The following PTPRZ1 variants were observed in gnomAD, a reference collection of about 807,000 sequenced individuals.
PTPRZ1 encodes the protein protein tyrosine phosphatase receptor type Z1, also known as receptor-type tyrosine-protein phosphatase zeta.
Under a neutral mutation model 214.1 loss-of-function variants are expected in PTPRZ1, and 82 were observed. The observed-to-expected ratio is 0.38, with a 90% CI of 0.32 to 0.46. PTPRZ1 has a LOEUF of 0.46. PTPRZ1 is among the 20% of genes least tolerant of loss of function. The pLI is 1.00. For missense variants in PTPRZ1, 2,603 were observed against 2,748.7 expected (o/e 0.95, Z 1.19); for synonymous variants, 945 against 987.9 (o/e 0.96, Z 0.81).
intron 2 of PTPRZ1, among the ~76,000 whole-genome samples, chr7:121,949,764 C>T (rs1371849880): frequency 6.6e-6 from 1 of 151,998 alleles, no homozygotes; most frequent in African/African-American, 2.4e-5. Context: ...TGGATGGCCC[C>T]CAGTAGGTAC....
At chr7:121,974,350 A>G (rs1797364048) in intron 4 of PTPRZ1, among the ~76,000 whole-genome samples, 1 of 152,212 alleles carries the variant, frequency 6.6e-6, no homozygotes, top group Admixed American at 6.5e-5. Context: ...ACAAAGATGA[A>G]GTTCAAGAAA....
At chr7:121,948,389 C>T (rs899578500) in intron 2 of PTPRZ1, among the ~76,000 whole-genome samples, 7 of 152,180 alleles carry the variant, frequency 4.6e-5, no homozygotes, top group Middle Eastern at 3.4e-3. Context: ...GCTGAGGCAG[C>T]GGGATCTCTT....
intron 15 of PTPRZ1, 126 bp downstream of exon 15, chr7:122,031,685 C>T: frequency 1.7e-6 from 1 of 596,242 alleles, no homozygotes; most frequent in South Asian, 2.6e-5. Context: ...AATATGAGTT[C>T]CATAATTACA....
intron 12 of PTPRZ1, among the ~76,000 whole-genome samples, chr7:122,016,171 A>G (rs1392584433): frequency 6.6e-6 from 1 of 152,000 alleles, no homozygotes; most frequent in African/African-American, 2.4e-5. Context: ...GTAAATACAA[A>G]ACTGAGCCTG....
intron 1 of PTPRZ1, among the ~76,000 whole-genome samples, chr7:121,892,471 C>T (rs1299980555): frequency 2.0e-5 from 3 of 151,692 alleles, no homozygotes; most frequent in Admixed American, 6.6e-5. Context: ...GGAAGAGACA[C>T]AGAACTCTGA....
chr7:121,902,497 C>T (rs1405239403), intron 1 of PTPRZ1, among the ~76,000 whole-genome samples: 1 of 152,108 alleles, frequency 6.6e-6, no homozygotes, highest in African/African-American at 2.4e-5. Flanking sequence ...TAAGAGTTCT[C>T]CTTTCTTTAT....
chr7:121,878,086 TTTAAAGAAA>T (rs569784291), intron 1 of PTPRZ1, among the ~76,000 whole-genome samples: 91 of 152,144 alleles, frequency 6.0e-4, no homozygotes, highest in South Asian at 1.9e-3. Context: ...TTTCTCTGTG[TTTAAAGAAA>T]TTAAAGAAAT....
At chr7:121,955,054 C>T (rs1796662784) in intron 2 of PTPRZ1, among the ~76,000 whole-genome samples, 1 of 152,170 alleles carries the variant, frequency 6.6e-6, no homozygotes, top group Non-Finnish European at 1.5e-5. Context: ...TGAAACAGTG[C>T]TGTGGTTTAG....
intron 6 of PTPRZ1, among the ~76,000 whole-genome samples, chr7:121,982,779 T>G (rs1012715237): frequency 3.9e-5 from 6 of 152,176 alleles, no homozygotes; most frequent in African/African-American, 9.7e-5. Flanking sequence ...TTTTCTTTCT[T>G]TCTTTTTTTT....
At chr7:121,995,514 A>G (rs1798105730) in intron 8 of PTPRZ1, among the ~76,000 whole-genome samples, 1 of 152,336 alleles carries the variant, frequency 6.6e-6, no homozygotes, top group South Asian at 2.1e-4. Flanking sequence ...GGAAAGTACC[A>G]GGGCACTCTC....
chr7:122,020,835 T>A (rs538449974), intron 13 of PTPRZ1, among the ~76,000 whole-genome samples: 1,594 of 152,228 alleles, frequency 0.01, 20 homozygotes, highest in Non-Finnish European at 0.013. Context: ...ATTCTTTTTT[T>A]TTTTTGCTAA....
intron 1 of PTPRZ1, among the ~76,000 whole-genome samples, chr7:121,926,087 G>A (rs1338371294): frequency 6.6e-6 from 1 of 152,078 alleles, no homozygotes; most frequent in African/African-American, 2.4e-5. Flanking sequence ...GGCGGATCAC[G>A]AGGTCTGGAG....
intron 25 of PTPRZ1, 65 bp downstream of exon 25, chr7:122,052,004 C>G: frequency 7.5e-7 from 1 of 1,337,998 alleles, no homozygotes; most frequent in Non-Finnish European, 1.0e-6. Flanking sequence ...CCAGAATGGG[C>G]TGCCAGAAGC....
intron 2 of PTPRZ1, among the ~76,000 whole-genome samples, chr7:121,954,178 CA>C (rs1283168597): frequency 3.9e-5 from 6 of 152,198 alleles, no homozygotes; most frequent in South Asian, 2.1e-4. Context: ...CTATCTCCTT[CA>C]GTTTTGTCTT....
At chr7:121,927,481 G>C (rs544032394) in intron 1 of PTPRZ1, among the ~76,000 whole-genome samples, 6 of 152,248 alleles carry the variant, frequency 3.9e-5, no homozygotes, top group African/African-American at 1.2e-4. Context: ...CTTGCCCCAT[G>C]TTCTAGATCT....
chr7:122,051,906 A>C lies in PTPRZ1; in HGVS notation c.6219A>C (p.Glu2073Asp), dbSNP rs752195046. 1.1e-5 allele frequency: 17 copies of C among 1,612,128 alleles called. No homozygotes were observed. In the South Asian group the frequency reaches 1.9e-4, roughly 18 times the overall value. The change falls in exon 25 of 30, where the codon GAA (glutamate) becomes GAC (aspartate). Residue 2073 changes from glutamate (E) to aspartate (D), a missense_variant. Glu to Asp is a conservative substitution (Grantham distance 45). Coordinates refer to ENST00000393386, the MANE Select transcript of PTPRZ1 (RefSeq NM_002851.3). ...TTGGCATTTCATCCCTGAGTGGAGA[A>C]GGCACAGACTACATCAATGCCTCCT... Reference protein sequence around the residue: ...SRVGISSLSGEGTDYINASYI... With the variant: ...SRVGISSLSGDGTDYINASYI...
At chr7:122,031,793 T>C in intron 15 of PTPRZ1, 1 of 258,400 alleles carries the variant, frequency 3.9e-6, no homozygotes, top group East Asian at 7.0e-5. Context: ...TAAAAAACAT[T>C]GTTCATTTTC....
intron 1 of PTPRZ1, among the ~76,000 whole-genome samples, chr7:121,914,327 G>A (rs528531918): frequency 1.2e-4 from 18 of 152,204 alleles, no homozygotes; most frequent in East Asian, 7.7e-4. Context: ...TAGAAGTAAC[G>A]TTTTAGCATA....
chr7:121,985,577 T>C (rs1797742133), intron 8 of PTPRZ1, among the ~76,000 whole-genome samples: 1 of 152,214 alleles, frequency 6.6e-6, no homozygotes, highest in Admixed American at 6.5e-5. Context: ...ATTTGTACAT[T>C]TGGCTTCCCC....
Sources: gnomAD v4.1 joint callset for allele counts (sites outside exome capture counted in the v4.1 genomes callset) on GRCh38, gnomAD v4.1.1 for gene constraint, MANE v1.5 for transcripts, NCBI Gene and HGNC (gene_info 2026-07-23, HGNC 2026-07-21) for gene names.